The following SORCS1 variants were observed in gnomAD, a reference collection of about 807,000 sequenced individuals.
The protein encoded by SORCS1 is VPS10 domain-containing receptor SorCS1.
A neutral mutation model predicts 146.1 loss-of-function variants in SORCS1; 60 were observed. The observed-to-expected ratio is 0.41, with a 90% CI of 0.33 to 0.51. The LOEUF (loss-of-function observed/expected upper bound fraction) is 0.51, where lower values mean the gene tolerates loss of function less well. Among genes scored for constraint, SORCS1 ranks in the 20% least tolerant of loss-of-function variants. The probability of loss-of-function intolerance (pLI) is 0.21; values close to 1 mark genes in which losing one functional copy is unlikely to be tolerated. For missense variants in SORCS1, 1,352 were observed against 1,487.6 expected (o/e 0.91, Z 1.50); for synonymous variants, 637 against 584.0 (o/e 1.09, Z -1.31).
chr10:107,014,850 T>C (rs1350850935), intron 1 of SORCS1, among the ~76,000 whole-genome samples: 2 of 152,232 alleles, frequency 1.3e-5, no homozygotes, highest in Non-Finnish European at 2.9e-5. Context: ...AATATGTACA[T>C]ATTCTTAAAC....
chr10:106,963,209 G>A (rs369181873), intron 1 of SORCS1, among the ~76,000 whole-genome samples: 8 of 138,790 alleles, frequency 5.8e-5, no homozygotes, highest in Admixed American at 2.4e-4. Flanking sequence ...TCCGCCTCCC[G>A]GGTTCACGCC....
chr10:106,803,558 CTGGG>C (rs1589919108), intron 3 of SORCS1, among the ~76,000 whole-genome samples: 1 of 152,304 alleles, frequency 6.6e-6, no homozygotes, highest in East Asian at 1.9e-4. Flanking sequence ...CCAATCTGTT[CTGGG>C]TACTGGTCAT....
upstream of SORCS1, among the ~76,000 whole-genome samples, chr10:107,167,858 A>T (rs1970089159): frequency 6.6e-6 from 1 of 152,246 alleles, no homozygotes; most frequent in Admixed American, 6.5e-5. Flanking sequence ...AAAGAAGCAG[A>T]GGCAGAAAGA....
chr10:107,169,926 G>A, the SORCS1 span, among the ~76,000 whole-genome samples: 48,873 of 151,940 alleles, frequency 0.32, 8,197 homozygotes, highest in African/African-American at 0.41. Context: ...GCATAATTAA[G>A]TAGGAAAAGA....
At chr10:106,587,845 T>TG (rs552244632) in intron 24 of SORCS1, among the ~76,000 whole-genome samples, 177 of 151,490 alleles carry the variant, frequency 1.2e-3, no homozygotes, top group Admixed American at 1.8e-3. Flanking sequence ...GTATTTTTTT[T>TG]GGGGGGGGTC....
rs868245115 is a variant in SORCS1 at position 106,853,531 on chromosome 10, A to C, written c.627-23858T>G. 5.3e-5 allele frequency among the ~76,000 whole-genome samples: 8 copies of C among 149,790 alleles called. No individual in the cohort carries two copies. The South Asian group carries it at 1.5e-3, about 28-fold the overall frequency. On this transcript the variant is annotated intron_variant, in intron 2 of 25. Transcript: ENST00000263054. ...CAATTTAATTTGCTCATTTTTCCCT[A>C]ATTTTCTGAGGTGGGGGTTTAAATT...
intron 2 of SORCS1, among the ~76,000 whole-genome samples, chr10:106,931,320 C>T (rs1307733979): frequency 6.6e-6 from 1 of 152,134 alleles, no homozygotes. Flanking sequence ...AAACGTGGTC[C>T]TACCATCAAG....
At chr10:107,101,469 G>T (rs868089502) in intron 1 of SORCS1, among the ~76,000 whole-genome samples, 41 of 152,112 alleles carry the variant, frequency 2.7e-4, no homozygotes, top group Admixed American at 4.6e-4. Flanking sequence ...AAACTCTATG[G>T]GTTTTGACAA....
chr10:107,130,164 A>C (rs998684067), intron 1 of SORCS1, among the ~76,000 whole-genome samples: 3 of 152,170 alleles, frequency 2.0e-5, no homozygotes, highest in African/African-American at 7.2e-5. Context: ...AAGAGAACCC[A>C]AACTTTCTCA....
chr10:106,702,831 A>C (rs1260051092), intron 8 of SORCS1, among the ~76,000 whole-genome samples: 13 of 152,192 alleles, frequency 8.5e-5, no homozygotes, highest in Non-Finnish European at 1.8e-4. Flanking sequence ...ATTTGAGAGC[A>C]AGGTGTGATC....
At chr10:106,704,976 C>T (rs1854414527) in intron 8 of SORCS1, among the ~76,000 whole-genome samples, 1 of 152,168 alleles carries the variant, frequency 6.6e-6, no homozygotes, top group Non-Finnish European at 1.5e-5. Flanking sequence ...ATTTCTCTGA[C>T]AGACCTTCCT....
intron 3 of SORCS1, among the ~76,000 whole-genome samples, chr10:106,790,166 G>A (rs1267530970): frequency 1.3e-5 from 2 of 152,114 alleles, no homozygotes; most frequent in African/African-American, 2.4e-5. Context: ...ATTGATACTG[G>A]ACTTAATTCC....
chr10:106,750,165 AT>A (rs895719154), intron 5 of SORCS1, among the ~76,000 whole-genome samples: 84 of 152,026 alleles, frequency 5.5e-4, no homozygotes, highest in Admixed American at 1.4e-3. Flanking sequence ...AATTATGAGG[AT>A]TTTTTTTCCC....
At chr10:107,163,051 C>T (rs867969094) in intron 1 of SORCS1, among the ~76,000 whole-genome samples, 1 of 152,166 alleles carries the variant, frequency 6.6e-6, no homozygotes, top group Admixed American at 6.5e-5. Context: ...GGAATAGCTC[C>T]CTCAGATTGC....
chr10:106,925,925 G>T (rs571553279), intron 2 of SORCS1, among the ~76,000 whole-genome samples: 1 of 152,006 alleles, frequency 6.6e-6, no homozygotes, highest in African/African-American at 2.4e-5. Context: ...GGACAACTGT[G>T]TATAAACAAT....
chr10:106,884,412 A>G (rs1950919843), intron 2 of SORCS1, among the ~76,000 whole-genome samples: 1 of 152,024 alleles, frequency 6.6e-6, no homozygotes, highest in Non-Finnish European at 1.5e-5. Context: ...CAAATGAGGC[A>G]CCTTAACCTT....
intron 2 of SORCS1, among the ~76,000 whole-genome samples, chr10:106,921,578 T>TA (rs1242956037): frequency 6.6e-6 from 1 of 152,160 alleles, no homozygotes; most frequent in Non-Finnish European, 1.5e-5. Context: ...CAAATGTTAT[T>TA]AAAAAGAATC....
In SORCS1 at chr10:106,847,950, T is replaced by C. The variant is rs951522903; in HGVS notation, c.627-18277A>G. Among the ~76,000 whole-genome samples, 3 of 150,880 alleles carry C rather than the reference T, an allele frequency of 2.0e-5. No homozygotes were observed. In the South Asian group the frequency reaches 6.3e-4, roughly 32 times the overall value. On this transcript the variant is annotated intron_variant, in intron 2 of 25. Transcript: ENST00000263054. ...TTTGCTTGCACTGTGGTCTGAGAGA[T>C]AGTTTATTATAATTTCTGTTCTTTT...
chr10:106,648,985 C>T (rs11192996), intron 18 of SORCS1, among the ~76,000 whole-genome samples: 10,615 of 152,134 alleles, frequency 0.07, 451 homozygotes, highest in East Asian at 0.21. Flanking sequence ...CTATCCTATA[C>T]GGAGTTTAGC....
Sources: gnomAD v4.1 joint callset for allele counts (sites outside exome capture counted in the v4.1 genomes callset) on GRCh38, gnomAD v4.1.1 for gene constraint, MANE v1.5 for transcripts, NCBI Gene and HGNC (gene_info 2026-07-23, HGNC 2026-07-21) for gene names.